The following FNBP4 variants were observed in gnomAD, a reference collection of about 807,000 sequenced individuals.
FNBP4 encodes formin-binding protein 4.
A neutral mutation model predicts 119.3 loss-of-function variants in FNBP4; 34 were observed. The ratio of observed to expected loss-of-function variants is 0.28; its 90% CI spans 0.22 to 0.38. The LOEUF (loss-of-function observed/expected upper bound fraction) is 0.38. Ranked by LOEUF, FNBP4 falls within the 10% of genes least tolerant of loss-of-function variation. FNBP4 has a pLI of 1.00. For synonymous variants in FNBP4, 462 were observed against 430.6 expected (o/e 1.07, Z -0.90); for missense variants, 1,112 against 1,228.9 (o/e 0.90, Z 1.42).
chr11:47,725,518 A>T (rs1449334499), intron 12 of FNBP4: 1 of 152,424 alleles, frequency 6.6e-6, no homozygotes, highest in African/African-American at 2.4e-5. Context: ...TTTTGCGATA[A>T]AAGAGAAATT....
At chr11:47,760,958 G>A (rs2097633009) in intron 2 of FNBP4, among the ~76,000 whole-genome samples, 1 of 152,094 alleles carries the variant, frequency 6.6e-6, no homozygotes, top group African/African-American at 2.4e-5. Flanking sequence ...ATAATACCAA[G>A]ACATAACTCC....
At chr11:47,763,196 G>A (rs1225772010) in intron 2 of FNBP4, among the ~76,000 whole-genome samples, 1 of 152,072 alleles carries the variant, frequency 6.6e-6, no homozygotes, top group Non-Finnish European at 1.5e-5. Context: ...GGGCGTGGTG[G>A]CTCAGACCTG....
At chr11:47,724,945 G>GA in intron 12 of FNBP4, 167 bp from the exon 13 acceptor site, 4 of 1,067,358 alleles carry the variant, frequency 3.7e-6, no homozygotes, top group Non-Finnish European at 5.1e-6. Flanking sequence ...CTCCTTCCTT[G>GA]AAAAAAATTT....
chr11:47,718,905 G>GT (rs35422529), intron 16 of FNBP4, among the ~76,000 whole-genome samples: 44,840 of 130,318 alleles, frequency 0.34, 9,026 homozygotes, highest in African/African-American at 0.56. Flanking sequence ...CACCCAACAT[G>GT]TTTTTTTTTT....
intron 12 of FNBP4, chr11:47,726,784 G>A (rs1443832643): frequency 2.6e-5 from 4 of 152,118 alleles, no homozygotes; most frequent in African/African-American, 4.8e-5. Flanking sequence ...GTCAATAAAC[G>A]TTGAGGACTA....
chr11:47,737,326 TTC>T (rs1393355853), intron 8 of FNBP4, among the ~76,000 whole-genome samples: 5 of 152,350 alleles, frequency 3.3e-5, no homozygotes, highest in African/African-American at 1.2e-4. Context: ...TTTTCTAATC[TTC>T]TCTTCCAGAA....
At chr11:47,764,052 G>A (rs1216539971) in intron 2 of FNBP4, among the ~76,000 whole-genome samples, 1 of 152,140 alleles carries the variant, frequency 6.6e-6, no homozygotes, top group Non-Finnish European at 1.5e-5. Context: ...GACATCACGA[G>A]AGGACATTCA....
At chr11:47,730,296 G>C (rs1310219101) in intron 12 of FNBP4, 5 of 916,156 alleles carry the variant, frequency 5.5e-6, no homozygotes, top group Non-Finnish European at 5.2e-6. Context: ...TAAAAGGGAA[G>C]TGAAATGCCC....
At position 47,750,974 on chromosome 11, in the gene FNBP4, G is replaced by A. The variant is rs749234616; in HGVS notation, c.848C>T (p.Thr283Met). The A allele has an allele frequency of 8.1e-6, 13 of 1,613,786 alleles. No individual in the cohort carries two copies. Among genetic ancestry groups the A allele is most frequent in the Middle Eastern group, 1.6e-4 (1 of 6,084 alleles). Residue 283 changes from threonine (T) to methionine (M), a missense_variant, in exon 6 of 17, where the codon ACG becomes ATG. Physicochemically the swap from Thr to Met is moderately conservative, Grantham distance 81 (BLOSUM62 -1). Coordinates refer to ENST00000263773, the MANE Select transcript of FNBP4 (RefSeq NM_015308.5). ...VNTDIYSKEK[T>M]ISVSSSKSGP... ...ACTTTTACTACTGGAAACAGAAATC[G>A]TTTTCTCCTTAGAATATATGTCTGT...
chr11:47,752,356 C>T lies in FNBP4; in HGVS notation c.637+560G>A, dbSNP rs1275974463. On this transcript the variant is annotated intron_variant, in intron 4 of 16. Transcript: ENST00000263773. Reference sequence around the variant, plus strand: ...AGAAGAATTGGTTGAACCTGGGAGGCGGAGGTTGCAGTGAGCCGAGATCGC... The same window carrying T: ...AGAAGAATTGGTTGAACCTGGGAGGTGGAGGTTGCAGTGAGCCGAGATCGC... Among the ~76,000 whole-genome samples, 3 of 149,290 alleles carry T rather than the reference C, an allele frequency of 2.0e-5. No individual in the cohort carries two copies. In the East Asian group the frequency reaches 5.9e-4, roughly 30 times the overall value.
chr11:47,759,386 GTA>G (rs2097627940), intron 2 of FNBP4, among the ~76,000 whole-genome samples: 1 of 150,750 alleles, frequency 6.6e-6, no homozygotes, highest in Admixed American at 6.6e-5. Flanking sequence ...TAATTTTTTT[GTA>G]TTTTTAGTAG....
chr11:47,750,791 G>A (rs965139720), intron 6 of FNBP4, 125 bp downstream of exon 6: 2 of 939,498 alleles, frequency 2.1e-6, no homozygotes, highest in Non-Finnish European at 3.1e-6. Flanking sequence ...CAAAGTGAAA[G>A]TTATGAAACT....
chr11:47,759,217 CTT>C lies in FNBP4; in HGVS notation c.314-4555_314-4554del, dbSNP rs11357422. 2.7e-3 allele frequency among the ~76,000 whole-genome samples: 384 copies of C among 144,740 alleles called. 1 individual carries two copies. The highest frequency in any genetic ancestry group is 0.011 in the Middle Eastern group (3 of 282). 95.0% of individuals were successfully genotyped at this position (144,740 alleles called of 152,430 possible). On this transcript the variant is annotated intron_variant, in intron 2 of 16. Transcript: ENST00000263773. ...TTACAGGTGTGAGACCTGCGCCTGG[CTT>C]TTTTTTTTTGGTATGGAGTTTCGCT...
At chr11:47,757,656 G>A (rs1358148984) in intron 2 of FNBP4, among the ~76,000 whole-genome samples, 1 of 151,384 alleles carries the variant, frequency 6.6e-6, no homozygotes, top group Non-Finnish European at 1.5e-5. Context: ...ACCACACCTG[G>A]GTAATGTTTG....
At chr11:47,762,906 C>CAAAAAAAAAAAAAAAAAAAAAAAAAAA (rs56659957) in intron 2 of FNBP4, among the ~76,000 whole-genome samples, 1 of 100,640 alleles carries the variant, frequency 9.9e-6, no homozygotes, top group Non-Finnish European at 2.2e-5. Flanking sequence ...ACTCTGATTC[C>CAAAAAAAAAAAAAAAAAAAAAAAAAAA]AAAAAAAAAA....
At chr11:47,729,570 T>C in intron 12 of FNBP4, 1 of 954,916 alleles carries the variant, frequency 1.0e-6, no homozygotes, top group Non-Finnish European at 1.2e-6. Context: ...AGTGCAGTGG[T>C]ACAATTATGG....
At chr11:47,761,201 A>G (rs1415335456) in intron 2 of FNBP4, among the ~76,000 whole-genome samples, 1 of 152,222 alleles carries the variant, frequency 6.6e-6, no homozygotes, top group Non-Finnish European at 1.5e-5. Flanking sequence ...AATTTAATTA[A>G]ATCTCAGAAA....
intron 8 of FNBP4, among the ~76,000 whole-genome samples, chr11:47,741,726 G>GA (rs1228974193): frequency 6.6e-6 from 1 of 151,970 alleles, no homozygotes. Context: ...TGAGGCCGGG[G>GA]AATCGCTTGA....
At chr11:47,749,259 A>T (rs1021272992) in intron 6 of FNBP4, among the ~76,000 whole-genome samples, 11 of 152,152 alleles carry the variant, frequency 7.2e-5, no homozygotes, top group African/African-American at 2.4e-4. Context: ...TGACAGAGTC[A>T]GATCCTGTCT....
Sources: allele counts gnomAD v4.1 joint callset (sites outside exome capture counted in the v4.1 genomes callset), GRCh38; gene constraint gnomAD v4.1.1; transcripts MANE v1.5; gene names NCBI Gene and HGNC (gene_info 2026-07-23, HGNC 2026-07-21).